Variants in CLIP4 observed in about 807,000 individuals in gnomAD.
The protein encoded by CLIP4 is CAP-Gly domain containing linker protein family member 4.
CLIP4 carries 47 observed loss-of-function variants against 73.1 expected under a neutral mutation model. The ratio of observed to expected loss-of-function variants is 0.64; its 90% CI spans 0.51 to 0.82. CLIP4 has a LOEUF of 0.82. Among genes scored for constraint, CLIP4 ranks in the 40% least tolerant of loss-of-function variants. CLIP4 has a pLI of 0.00. For synonymous variants in CLIP4, 306 were observed against 295.4 expected (o/e 1.04, Z -0.37); for missense variants, 874 against 852.9 (o/e 1.02, Z -0.31).
chr2:29,165,975 CAAAA>C (rs35611841), intron 13 of CLIP4, among the ~76,000 whole-genome samples: 10 of 146,256 alleles, frequency 6.8e-5, no homozygotes, highest in African/African-American at 2.0e-4. Context: ...CCCTCTTCTT[CAAAA>C]AAAAAAAAAT....
intron 6 of CLIP4, among the ~76,000 whole-genome samples, chr2:29,136,311 A>T (rs893385773): frequency 6.6e-6 from 1 of 151,970 alleles, no homozygotes; most frequent in African/African-American, 2.4e-5. Flanking sequence ...AGCGGCAGAT[A>T]GTGTGCAGTA....
intron 2 of CLIP4, among the ~76,000 whole-genome samples, chr2:29,129,618 CT>C (rs1664834971): frequency 6.6e-6 from 1 of 151,980 alleles, no homozygotes; most frequent in Non-Finnish European, 1.5e-5. Flanking sequence ...ATGGCTACAG[CT>C]TTTTAGTGAA....
At chr2:29,133,841 G>A in intron 5 of CLIP4, 25 bp downstream of exon 5, 2 of 1,553,982 alleles carry the variant, frequency 1.3e-6, no homozygotes, top group East Asian at 2.3e-5. Flanking sequence ...ATCACCTTTA[G>A]ATATTATTAA....
intron 2 of CLIP4, among the ~76,000 whole-genome samples, chr2:29,123,000 G>A (rs550586143): frequency 4.6e-5 from 7 of 152,168 alleles, no homozygotes; most frequent in South Asian, 4.1e-4. Flanking sequence ...TAACAAAATA[G>A]TTAATTTTAT....
At chr2:29,156,211 C>T (rs746973710) in intron 9 of CLIP4, 143 bp from the exon 10 acceptor site, 7 of 550,120 alleles carry the variant, frequency 1.3e-5, no homozygotes, top group African/African-American at 4.0e-5. Context: ...AAAACATGTC[C>T]TCATATGTCT....
intron 8 of CLIP4, among the ~76,000 whole-genome samples, chr2:29,148,024 C>G (rs1666285754): frequency 6.6e-6 from 1 of 152,158 alleles, no homozygotes; most frequent in East Asian, 1.9e-4. Context: ...GCCAGCAGAA[C>G]TCATGGGGAC....
At chr2:29,155,769 C>T (rs1428414062) in intron 9 of CLIP4, among the ~76,000 whole-genome samples, 1 of 152,176 alleles carries the variant, frequency 6.6e-6, no homozygotes, top group Non-Finnish European at 1.5e-5. Flanking sequence ...CTTCCAGCCT[C>T]TCCCGCTGTG....
At chr2:29,139,008 A>G (rs1464699340) in intron 6 of CLIP4, among the ~76,000 whole-genome samples, 1 of 151,976 alleles carries the variant, frequency 6.6e-6, no homozygotes, top group Admixed American at 6.6e-5. Context: ...TTTCTTGCCT[A>G]ATTACTCTGG....
chr2:29,122,032 C>G (rs950815870), intron 2 of CLIP4, among the ~76,000 whole-genome samples: 2 of 152,080 alleles, frequency 1.3e-5, no homozygotes, highest in East Asian at 1.9e-4. Flanking sequence ...AAAAGGGAAC[C>G]AGGAGATAAA....
At chr2:29,139,005 C>A (rs192122105) in intron 6 of CLIP4, among the ~76,000 whole-genome samples, 59 of 152,078 alleles carry the variant, frequency 3.9e-4, no homozygotes, top group African/African-American at 1.3e-3. Flanking sequence ...CTTTTTCTTG[C>A]CTAATTACTC....
chr2:29,177,759 G>T (rs1668429125), intron 15 of CLIP4, among the ~76,000 whole-genome samples: 1 of 152,006 alleles, frequency 6.6e-6, no homozygotes, highest in African/African-American at 2.4e-5. Flanking sequence ...AGTCTTTATT[G>T]TAGTATTTAT....
chr2:29,144,887 C>T (rs777696444), intron 7 of CLIP4, among the ~76,000 whole-genome samples: 5 of 150,010 alleles, frequency 3.3e-5, no homozygotes, highest in South Asian at 2.1e-4. Flanking sequence ...ACTGTAGCCC[C>T]GAACTCCTGG....
chr2:29,140,644 G>A (rs1665698541), intron 6 of CLIP4, among the ~76,000 whole-genome samples: 2 of 152,128 alleles, frequency 1.3e-5, no homozygotes, highest in Admixed American at 1.3e-4. Context: ...AGATCCCTGA[G>A]GAATCGCCAC....
intron 2 of CLIP4, among the ~76,000 whole-genome samples, chr2:29,129,415 C>T (rs960900570): frequency 3.3e-5 from 5 of 151,898 alleles, no homozygotes; most frequent in African/African-American, 1.2e-4. Flanking sequence ...TTACTTATGT[C>T]TATTGAACAT....
At chr2:29,139,677 C>T (rs1022076316) in intron 6 of CLIP4, among the ~76,000 whole-genome samples, 7 of 151,990 alleles carry the variant, frequency 4.6e-5, no homozygotes, top group African/African-American at 1.7e-4. Context: ...TTGGTGTGTT[C>T]AGGGTTTCAC....
At chr2:29,147,047 G>C (rs59046979) in intron 8 of CLIP4, among the ~76,000 whole-genome samples, 16,414 of 152,176 alleles carry the variant, frequency 0.11, 994 homozygotes, top group East Asian at 0.19. Context: ...CAAGAGGAAA[G>C]TAAAAATTCT....
chr2:29,175,256 A>G (rs1477338408), intron 15 of CLIP4: 2 of 152,154 alleles, frequency 1.3e-5, no homozygotes, highest in African/African-American at 4.8e-5. Context: ...CATGGGAGAA[A>G]CCTGGCTCAT....
chr2:29,129,345 G>A (rs1180946786), intron 2 of CLIP4, among the ~76,000 whole-genome samples: 4 of 151,984 alleles, frequency 2.6e-5, no homozygotes, highest in Admixed American at 6.6e-5. Flanking sequence ...AAAGCATTTG[G>A]ATTAGTTCCT....
At chr2:29,125,907 G>T (rs959450495) in intron 2 of CLIP4, among the ~76,000 whole-genome samples, 1 of 152,192 alleles carries the variant, frequency 6.6e-6, no homozygotes, top group Admixed American at 6.5e-5. Context: ...GGGCTTGGTA[G>T]CTCACACTTG....
Sources: gnomAD v4.1 joint callset for allele counts (sites outside exome capture counted in the v4.1 genomes callset) on GRCh38, gnomAD v4.1.1 for gene constraint, MANE v1.5 for transcripts, NCBI Gene and HGNC (gene_info 2026-07-23, HGNC 2026-07-21) for gene names.